Variants in KCND2 observed in about 807,000 individuals in gnomAD.
KCND2 encodes potassium voltage-gated channel subfamily D member 2.
Under a neutral mutation model 54.4 loss-of-function variants are expected in KCND2, and 16 were observed. The ratio of observed to expected loss-of-function variants is 0.29; its 90% CI spans 0.20 to 0.45. The LOEUF (loss-of-function observed/expected upper bound fraction) is 0.45, where lower values mean the gene tolerates loss of function less well. KCND2 is among the 20% of genes least tolerant of loss of function. The pLI is 1.00. For missense variants in KCND2, 486 were observed against 824.2 expected, an observed-to-expected ratio of 0.59 and a Z score of 5.02; for synonymous variants, 317 against 310.7, an observed-to-expected ratio of 1.02 and a Z score of -0.21.
chr7:120,420,738 A>T (rs1801599104), intron 1 of KCND2, among the ~76,000 whole-genome samples: 1 of 152,154 alleles, frequency 6.6e-6, no homozygotes, highest in Admixed American at 6.6e-5. Context: ...TATAGGTAAG[A>T]GGGAAAAAAA....
chr7:120,506,467 C>T (rs1410905852), intron 1 of KCND2, among the ~76,000 whole-genome samples: 1 of 151,648 alleles, frequency 6.6e-6, no homozygotes. Context: ...TATCTCTTGC[C>T]AAAAAGAATT....
At chr7:120,419,045 A>G (rs1801568723) in intron 1 of KCND2, among the ~76,000 whole-genome samples, 1 of 151,906 alleles carries the variant, frequency 6.6e-6, no homozygotes, top group South Asian at 2.1e-4. Context: ...TCACTGTACC[A>G]CTGAATCTCT....
At chr7:120,493,710 A>G (rs1353688716) in intron 1 of KCND2, among the ~76,000 whole-genome samples, 2 of 152,132 alleles carry the variant, frequency 1.3e-5, no homozygotes, top group African/African-American at 2.4e-5. Flanking sequence ...TCAGAATTTT[A>G]ACAAGGCCAA....
intron 1 of KCND2, among the ~76,000 whole-genome samples, chr7:120,479,796 CAAAAA>C (rs771337674): frequency 3.0e-3 from 225 of 75,604 alleles, no homozygotes; most frequent in Middle Eastern, 0.025. Flanking sequence ...TACACACACA[CAAAAA>C]AAAAAAAAAA....
intron 1 of KCND2, among the ~76,000 whole-genome samples, chr7:120,675,590 A>G (rs989932293): frequency 2.4e-4 from 37 of 152,120 alleles, no homozygotes; most frequent in African/African-American, 8.7e-4. Context: ...CATATGCCCA[A>G]TTCTCTGGAA....
At chr7:120,497,554 A>G (rs147009357) in intron 1 of KCND2, among the ~76,000 whole-genome samples, 1 of 152,232 alleles carries the variant, frequency 6.6e-6, no homozygotes, top group Admixed American at 6.5e-5. Flanking sequence ...GCTCTGCTCC[A>G]TAAAGTGCTG....
intron 1 of KCND2, among the ~76,000 whole-genome samples, chr7:120,625,582 T>C (rs1259716822): frequency 6.6e-6 from 1 of 152,130 alleles, no homozygotes. Context: ...CATTAACTCA[T>C]ACTATATATT....
At chr7:120,402,975 G>A (rs1030344029) in intron 1 of KCND2, among the ~76,000 whole-genome samples, 1 of 152,148 alleles carries the variant, frequency 6.6e-6, no homozygotes, top group Non-Finnish European at 1.5e-5. Context: ...AACTTGGGAA[G>A]CATAACTGGA....
chr7:120,301,612 G>A (rs929314517), intron 1 of KCND2, among the ~76,000 whole-genome samples: 2 of 151,882 alleles, frequency 1.3e-5, no homozygotes, highest in African/African-American at 4.8e-5. Flanking sequence ...GGGCCTGGTT[G>A]CATGGCAGCC....
intron 1 of KCND2, among the ~76,000 whole-genome samples, chr7:120,722,831 G>A (rs945190956): frequency 2.6e-5 from 4 of 152,124 alleles, no homozygotes; most frequent in Admixed American, 6.6e-5. Context: ...ATACACCTGG[G>A]GACCAGCTTC....
At chr7:120,391,230 G>A (rs749476980) in intron 1 of KCND2, among the ~76,000 whole-genome samples, 11 of 152,044 alleles carry the variant, frequency 7.2e-5, no homozygotes, top group South Asian at 2.1e-4. Flanking sequence ...TTCCATGTCC[G>A]TGCAAAGGAC....
intron 1 of KCND2, among the ~76,000 whole-genome samples, chr7:120,435,266 C>G (rs547131762): frequency 6.9e-6 from 1 of 144,348 alleles, no homozygotes; most frequent in Non-Finnish European, 1.5e-5. Flanking sequence ...ACCACCATGC[C>G]TGGCTTTTTT....
chr7:120,603,723 A>G (rs1323388928), intron 1 of KCND2, among the ~76,000 whole-genome samples: 7 of 152,154 alleles, frequency 4.6e-5, no homozygotes, highest in Admixed American at 1.3e-4. Context: ...ACAAATTCCA[A>G]TATTAAAAGT....
Position 120,568,264 on chromosome 7 carries a change from A to G in KCND2, c.1116-164639A>G, listed in dbSNP as rs766416131. Among the ~76,000 whole-genome samples the G allele has an allele frequency of 1.4e-4, 22 of 152,126 alleles. 1 individual carries two copies. Among genetic ancestry groups the G allele is most frequent in the Non-Finnish European group, 2.5e-4 (17 of 67,986 alleles). The stretch of plus-strand genomic sequence containing the variant: ...AAAAAATTATCAGCCCTAAAGCTCC[A>G]TAAGTATTTTGTGATTAGTTAAAAA... On this transcript the variant is annotated intron_variant, in intron 1 of 5. Transcript: ENST00000331113.
intron 1 of KCND2, among the ~76,000 whole-genome samples, chr7:120,637,171 A>G (rs1317142966): frequency 6.6e-6 from 1 of 152,142 alleles, no homozygotes; most frequent in Non-Finnish European, 1.5e-5. Flanking sequence ...AATTTTGACA[A>G]GTCTTCAGAA....
chr7:120,310,603 G>A (rs1345582939), intron 1 of KCND2, among the ~76,000 whole-genome samples: 1 of 152,080 alleles, frequency 6.6e-6, no homozygotes, highest in African/African-American at 2.4e-5. Context: ...TGTGATTAAA[G>A]AAAAACTAAT....
chr7:120,510,591 TAGG>T (rs1324407057), intron 1 of KCND2, among the ~76,000 whole-genome samples: 7 of 152,184 alleles, frequency 4.6e-5, no homozygotes, highest in South Asian at 2.1e-4. Context: ...AAAGTTTTCT[TAGG>T]AGGAGGGTGA....
intron 1 of KCND2, among the ~76,000 whole-genome samples, chr7:120,640,395 A>C (rs1239863310): frequency 6.6e-6 from 1 of 152,230 alleles, no homozygotes; most frequent in African/African-American, 2.4e-5. Flanking sequence ...GTTGTGTTGC[A>C]TGAAAATACA....
At chr7:120,468,145 A>T (rs765602491) in intron 1 of KCND2, among the ~76,000 whole-genome samples, 3 of 152,080 alleles carry the variant, frequency 2.0e-5, no homozygotes, top group Non-Finnish European at 4.4e-5. Flanking sequence ...AGTAATTGGG[A>T]TGTGAAAAAT....
Sources: gnomAD v4.1 joint callset for allele counts (sites outside exome capture counted in the v4.1 genomes callset) on GRCh38, gnomAD v4.1.1 for gene constraint, MANE v1.5 for transcripts, NCBI Gene and HGNC (gene_info 2026-07-23, HGNC 2026-07-21) for gene names.